Variants in RABGAP1L observed in about 807,000 individuals in gnomAD.
The protein encoded by RABGAP1L is rab GTPase-activating protein 1-like.
RABGAP1L carries 63 observed loss-of-function variants against 137.7 expected under a neutral mutation model. The observed-to-expected ratio is 0.46, with a 90% CI of 0.37 to 0.56. RABGAP1L has a LOEUF of 0.56. Ranked by LOEUF, RABGAP1L falls within the 20% of genes least tolerant of loss-of-function variation. The probability of loss-of-function intolerance (pLI) is 0.00; values close to 1 mark genes in which losing one functional copy is unlikely to be tolerated. For missense variants in RABGAP1L, 1,095 were observed against 1,244.0 expected (o/e 0.88, Z 1.80); for synonymous variants, 431 against 433.7 (o/e 0.99, Z 0.08).
chr1:174,977,831 G>A (rs925203759), intron 22 of RABGAP1L, among the ~76,000 whole-genome samples: 3 of 152,126 alleles, frequency 2.0e-5, no homozygotes, highest in Non-Finnish European at 4.4e-5. Context: ...ACAACTGAGT[G>A]TAGATCACTA....
At chr1:174,611,712 T>C (rs528788649) in intron 13 of RABGAP1L, among the ~76,000 whole-genome samples, 1 of 152,050 alleles carries the variant, frequency 6.6e-6, no homozygotes, top group South Asian at 2.1e-4. Flanking sequence ...TCCATTTGTT[T>C]GTATCCTCTT....
chr1:174,603,211 C>T (rs755058190), intron 13 of RABGAP1L, among the ~76,000 whole-genome samples: 9 of 152,162 alleles, frequency 5.9e-5, no homozygotes, highest in Non-Finnish European at 1.2e-4. Flanking sequence ...GCAGACTTGT[C>T]AAGATCACCT....
intron 13 of RABGAP1L, among the ~76,000 whole-genome samples, chr1:174,435,388 G>T (rs887519754): frequency 6.6e-6 from 1 of 151,910 alleles, no homozygotes; most frequent in African/African-American, 2.4e-5. Flanking sequence ...CTATATATTT[G>T]CAGTTTCAAT....
At chr1:174,637,556 AT>A in intron 14 of RABGAP1L, 68 bp downstream of exon 14, 2 of 1,127,038 alleles carry the variant, frequency 1.8e-6, no homozygotes, top group Non-Finnish European at 2.7e-6. Flanking sequence ...CCATTTAAGG[AT>A]TTTTTTACTC....
In RABGAP1L at chr1:174,759,392, A is replaced by G. The variant is rs143620536; in HGVS notation, c.2211+7038A>G. Among the ~76,000 whole-genome samples the G allele has an allele frequency of 8.2e-3, 1,248 of 151,718 alleles. 11 individuals carry two copies. Among genetic ancestry groups the G allele is most frequent in the African/African-American group, 0.028 (1,152 of 41,394 alleles). ...GGCGGATCACTGGAGGTCAGGAGTT[A>G]GAGACCAGCCTGGCCAACATAGTGA... On this transcript the variant is annotated intron_variant, in intron 18 of 25. Transcript: ENST00000681986.
intron 5 of RABGAP1L, among the ~76,000 whole-genome samples, chr1:174,243,660 G>A (rs1362758351): frequency 6.6e-6 from 1 of 152,166 alleles, no homozygotes. Flanking sequence ...GACCAGGTTG[G>A]ACTTATTAGA....
intron 19 of RABGAP1L, among the ~76,000 whole-genome samples, chr1:174,823,790 C>G (rs923539308): frequency 6.6e-6 from 1 of 152,174 alleles, no homozygotes; most frequent in Admixed American, 6.5e-5. Context: ...ACATAGCATT[C>G]AGGGAGCAAA....
At chr1:174,935,555 G>C (rs1664631554) in intron 19 of RABGAP1L, 1 of 152,166 alleles carries the variant, frequency 6.6e-6, no homozygotes, top group Non-Finnish European at 1.5e-5. Flanking sequence ...TTATAACATA[G>C]TAGACTTTTT....
chr1:174,223,862 T>C (rs1221046436), intron 3 of RABGAP1L, among the ~76,000 whole-genome samples: 1 of 152,194 alleles, frequency 6.6e-6, no homozygotes, highest in African/African-American at 2.4e-5. Flanking sequence ...TGGCTTGTTA[T>C]AGAAGTGAAT....
intron 14 of RABGAP1L, among the ~76,000 whole-genome samples, chr1:174,673,468 G>T (rs527884761): frequency 6.6e-6 from 1 of 152,156 alleles, no homozygotes; most frequent in East Asian, 1.9e-4. Flanking sequence ...ATAGATAAAC[G>T]CAGTGACCAA....
chr1:174,316,939 G>T (rs117233063), intron 11 of RABGAP1L, among the ~76,000 whole-genome samples: 1 of 152,182 alleles, frequency 6.6e-6, no homozygotes, highest in East Asian at 1.9e-4. Flanking sequence ...CCCAGGCTAC[G>T]AGGAGTACTG....
chr1:174,289,487 T>C (rs1676379612), intron 10 of RABGAP1L, among the ~76,000 whole-genome samples: 2 of 152,228 alleles, frequency 1.3e-5, no homozygotes, highest in African/African-American at 2.4e-5. Flanking sequence ...TCTTCATTTG[T>C]TTAGGGTCAG....
intron 11 of RABGAP1L, among the ~76,000 whole-genome samples, chr1:174,313,070 G>T (rs1679013503): frequency 6.6e-6 from 1 of 152,114 alleles, no homozygotes; most frequent in Non-Finnish European, 1.5e-5. Context: ...TGGGACTACA[G>T]GTGCCCACCA....
chr1:174,604,853 G>T (rs1670662015), intron 13 of RABGAP1L, among the ~76,000 whole-genome samples: 1 of 152,160 alleles, frequency 6.6e-6, no homozygotes, highest in South Asian at 2.1e-4. Context: ...CAAAACTCTT[G>T]TAAAATTAGG....
intron 19 of RABGAP1L, among the ~76,000 whole-genome samples, chr1:174,934,594 C>A (rs1362843716): frequency 4.6e-5 from 7 of 151,584 alleles, no homozygotes; most frequent in Admixed American, 4.6e-4. Flanking sequence ...AGTTTGAGAC[C>A]AGTTGGGCAG....
At chr1:174,212,967 C>A (rs1472750946) in intron 1 of RABGAP1L, among the ~76,000 whole-genome samples, 4 of 152,148 alleles carry the variant, frequency 2.6e-5, no homozygotes, top group Admixed American at 6.5e-5. Context: ...TAGACACATA[C>A]AATCTATCAA....
At chr1:174,666,539 A>G (rs542193799) in intron 14 of RABGAP1L, among the ~76,000 whole-genome samples, 31 of 152,360 alleles carry the variant, frequency 2.0e-4, no homozygotes, top group Non-Finnish European at 4.0e-4. Flanking sequence ...TAGCAGTACC[A>G]AGAAGCTAAA....
intron 1 of RABGAP1L, among the ~76,000 whole-genome samples, chr1:174,170,430 C>T (rs1455444950): frequency 2.0e-5 from 3 of 152,230 alleles, no homozygotes; most frequent in East Asian, 1.9e-4. Flanking sequence ...GTAATCCCAG[C>T]ACTTTGGAAG....
chr1:174,690,064 T>G (rs910652177), intron 15 of RABGAP1L, among the ~76,000 whole-genome samples: 1 of 152,220 alleles, frequency 6.6e-6, no homozygotes, highest in African/African-American at 2.4e-5. Context: ...AACATCTCCC[T>G]GTGTCCTAAT....
Sources: allele counts gnomAD v4.1 joint callset (sites outside exome capture counted in the v4.1 genomes callset), GRCh38; gene constraint gnomAD v4.1.1; transcripts MANE v1.5; gene names NCBI Gene and HGNC (gene_info 2026-07-23, HGNC 2026-07-21).